Variants in KIAA1549 observed in about 807,000 individuals in gnomAD.
KIAA1549 encodes the protein KIAA1549.
In KIAA1549, 70 loss-of-function variants were observed where a neutral mutation model predicts 156.4. That is an observed-to-expected ratio of 0.45 (90% CI 0.37 to 0.55). The LOEUF (loss-of-function observed/expected upper bound fraction) is 0.55. KIAA1549 is among the 20% of genes least tolerant of loss of function. The pLI is 0.00. For synonymous variants in KIAA1549, 1,103 were observed against 1,066.4 expected (o/e 1.03, Z -0.67); for missense variants, 2,428 against 2,540.9 (o/e 0.96, Z 0.96).
At position 138,885,632 on chromosome 7, in the gene KIAA1549, C is replaced by T. The variant is rs530156162; in HGVS notation, c.4033-4048G>A. On this transcript the variant is annotated intron_variant, in intron 10 of 19. Coordinates refer to ENST00000422774, the MANE Select transcript of KIAA1549 (RefSeq NM_001164665.2). ...CTGACCGCCTTGGGCCATTTACTCA[C>T]AGCTTCTTGGGCTCGTGCTTTCTCA... Among the ~76,000 whole-genome samples, 6 of 152,354 alleles carry T rather than the reference C, an allele frequency of 3.9e-5. No individual in the cohort carries two copies. In the East Asian group the frequency reaches 1.2e-3, roughly 29 times the overall value.
Position 138,932,719 on chromosome 7 carries a change from C to T in KIAA1549, c.188-13281G>A, listed in dbSNP as rs111227606. ...CTTTGCTCCTCAAGAGTGTGGTCAG[C>T]GGATCTTTAGCATCACCCGGGAGTG... On this transcript the variant is annotated intron_variant, in intron 1 of 19. Transcript: ENST00000422774. 3.0e-3 allele frequency among the ~76,000 whole-genome samples: 461 copies of T among 152,228 alleles called. 6 individuals are homozygous for T. The highest frequency in any genetic ancestry group is 0.011 in the African/African-American group (443 of 41,534).
chr7:138,948,836 G>GCATGTGCCAC (rs1272017948), intron 1 of KIAA1549, among the ~76,000 whole-genome samples: 1 of 151,940 alleles, frequency 6.6e-6, no homozygotes, highest in Non-Finnish European at 1.5e-5. Flanking sequence ...GGGATTACAG[G>GCATGTGCCAC]CATGTGCCAC....
intron 3 of KIAA1549, 83 bp downstream of exon 3, chr7:138,912,289 C>T: frequency 7.5e-6 from 7 of 935,202 alleles, no homozygotes; most frequent in Non-Finnish European, 1.2e-5. Context: ...ATTCCATGGC[C>T]ATAATCACCT....
intron 1 of KIAA1549, among the ~76,000 whole-genome samples, chr7:138,970,804 T>G (rs1331297390): frequency 1.3e-5 from 2 of 152,230 alleles, no homozygotes; most frequent in African/African-American, 4.8e-5. Context: ...CTGTTTTGTA[T>G]GTCTGAGGCT....
chr7:138,887,651 T>C (rs1584731906), intron 10 of KIAA1549, among the ~76,000 whole-genome samples: 1 of 152,322 alleles, frequency 6.6e-6, no homozygotes, highest in East Asian at 1.9e-4. Flanking sequence ...AGCAGCTTCC[T>C]GCGGTGCTCT....
chr7:138,838,521 G>A (rs761444285), intron 19 of KIAA1549, among the ~76,000 whole-genome samples: 6 of 152,172 alleles, frequency 3.9e-5, no homozygotes, highest in African/African-American at 9.7e-5. Flanking sequence ...CTGTCTCTGC[G>A]TGAGTGTGTG....
intron 10 of KIAA1549, among the ~76,000 whole-genome samples, chr7:138,892,346 G>A (rs186241503): frequency 5.3e-5 from 8 of 152,312 alleles, no homozygotes; most frequent in East Asian, 1.9e-4. Context: ...CAGTGTATAC[G>A]TTAGGAAATG....
intron 15 of KIAA1549, among the ~76,000 whole-genome samples, chr7:138,862,141 T>C (rs1810603397): frequency 6.6e-6 from 1 of 152,168 alleles, no homozygotes; most frequent in African/African-American, 2.4e-5. Flanking sequence ...TATTGACTAT[T>C]AGAAAATAGT....
Position 138,836,243 on chromosome 7 carries a change from T to C in KIAA1549, c.*1663A>G, listed in dbSNP as rs2130315112. On this transcript the variant is annotated 3_prime_UTR_variant, in exon 20 of 20. Coordinates refer to ENST00000422774, the MANE Select transcript of KIAA1549 (RefSeq NM_001164665.2). ...TGGTAGTCCCATAAGATTATAAAAT[T>C]GTATTTTTACCATACCTTTTCTATG... The C allele has an allele frequency of 4.9e-6, 1 of 203,282 alleles. No individual in the cohort carries two copies. The highest frequency in any genetic ancestry group is 7.6e-5 in the East Asian group (1 of 13,222). 12.6% of individuals were successfully genotyped at this position (203,282 alleles called of 1,614,324 possible). A position where few individuals can be genotyped will look rare whatever the true frequency, so the allele number is the denominator to read the frequency against.
At chr7:138,925,829 C>CAAAAAAAAA (rs59066216) in intron 1 of KIAA1549, among the ~76,000 whole-genome samples, 1 of 44,604 alleles carries the variant, frequency 2.2e-5, no homozygotes, top group African/African-American at 7.0e-5. Context: ...GATCCTGTCT[C>CAAAAAAAAA]AAAAAAAAAA....
At chr7:138,866,224 G>A (rs746296707) in intron 15 of KIAA1549, among the ~76,000 whole-genome samples, 1 of 152,076 alleles carries the variant, frequency 6.6e-6, no homozygotes, top group Non-Finnish European at 1.5e-5. Flanking sequence ...CAAGAAGGTC[G>A]GTCTTTAAGA....
intron 1 of KIAA1549, 107 bp downstream of exon 1, chr7:138,980,976 G>T: frequency 1.0e-6 from 1 of 1,003,984 alleles, no homozygotes; most frequent in African/African-American, 1.7e-5. Context: ...CGGCGAGGGA[G>T]CTGGAGAATA....
chr7:138,970,253 A>G (rs1814180311), intron 1 of KIAA1549, among the ~76,000 whole-genome samples: 1 of 152,018 alleles, frequency 6.6e-6, no homozygotes, highest in Non-Finnish European at 1.5e-5. Flanking sequence ...CTTTTGCTTC[A>G]ACTATCTCCA....
chr7:138,860,025 T>C (rs948531811), intron 16 of KIAA1549, among the ~76,000 whole-genome samples: 1 of 152,226 alleles, frequency 6.6e-6, no homozygotes, highest in African/African-American at 2.4e-5. Context: ...CAGCAGGTGC[T>C]TTGTAAATAT....
chr7:138,864,247 G>A (rs1810670742), intron 15 of KIAA1549, among the ~76,000 whole-genome samples: 1 of 152,188 alleles, frequency 6.6e-6, no homozygotes, highest in African/African-American at 2.4e-5. Context: ...TCAGACATTT[G>A]AGCAGAGTCC....
chr7:138,919,445 A>C lies in KIAA1549; in HGVS notation c.188-7T>G, dbSNP rs2130484551. 1 of 1,610,328 alleles carries C rather than the reference A, an allele frequency of 6.2e-7. No homozygotes were observed. The highest frequency in any genetic ancestry group is 1.7e-4 in the Middle Eastern group (1 of 6,040). ...TGTTCCGGAGAGAGCTCATCTATCAAGAAAATCAGAGCTGGGTTAGTGCAA... is the reference window on the plus strand; with the variant it reads ...TGTTCCGGAGAGAGCTCATCTATCACGAAAATCAGAGCTGGGTTAGTGCAA... On this transcript the variant is annotated splice_region_variant and splice_polypyrimidine_tract_variant and intron_variant, in intron 1 of 19. Coordinates refer to ENST00000422774, the MANE Select transcript of KIAA1549 (RefSeq NM_001164665.2).
At chr7:138,867,461 G>A (rs1295801801) in intron 15 of KIAA1549, among the ~76,000 whole-genome samples, 3 of 151,870 alleles carry the variant, frequency 2.0e-5, no homozygotes, top group Non-Finnish European at 4.4e-5. Flanking sequence ...AGACTGAGGT[G>A]GGAAAATTAC....
At chr7:138,912,260 G>C in intron 3 of KIAA1549, 112 bp downstream of exon 3, 2 of 771,248 alleles carry the variant, frequency 2.6e-6, no homozygotes, top group Admixed American at 3.9e-5. Context: ...AGACAAGAGG[G>C]AAGAGATGAA....
intron 16 of KIAA1549, among the ~76,000 whole-genome samples, chr7:138,853,838 C>A (rs1810302540): frequency 6.6e-6 from 1 of 152,106 alleles, no homozygotes; most frequent in Admixed American, 6.5e-5. Flanking sequence ...GTGCTTTCGG[C>A]ACAGTATGGG....
Sources: gnomAD v4.1 joint callset for allele counts (sites outside exome capture counted in the v4.1 genomes callset) on GRCh38, gnomAD v4.1.1 for gene constraint, MANE v1.5 for transcripts, NCBI Gene and HGNC (gene_info 2026-07-23, HGNC 2026-07-21) for gene names.